Variants in BEND5 observed in about 807,000 individuals in gnomAD.
BEND5 encodes the protein BEN domain-containing protein 5.
BEND5 carries 22 observed loss-of-function variants against 43.9 expected under a neutral mutation model. The ratio of observed to expected loss-of-function variants is 0.50; its 90% CI spans 0.36 to 0.72. BEND5 has a LOEUF of 0.72. BEND5 is among the 30% of genes least tolerant of loss of function. The probability of loss-of-function intolerance (pLI) is 0.00; values close to 1 mark genes in which losing one functional copy is unlikely to be tolerated. For synonymous variants in BEND5, 228 were observed against 225.9 expected, an observed-to-expected ratio of 1.01 and a Z score of -0.08; for missense variants, 428 against 550.6, an observed-to-expected ratio of 0.78 and a Z score of 2.23.
At chr1:48,737,296 GA>G (rs948833737) in intron 4 of BEND5, among the ~76,000 whole-genome samples, 6 of 151,576 alleles carry the variant, frequency 4.0e-5, no homozygotes, top group Middle Eastern at 3.4e-3. Context: ...AAAGAAAAAA[GA>G]AAAAAAGAAA....
At chr1:48,762,286 A>G (rs1644301294) in intron 1 of BEND5, among the ~76,000 whole-genome samples, 3 of 152,198 alleles carry the variant, frequency 2.0e-5, no homozygotes, top group Non-Finnish European at 2.9e-5. Context: ...TCATTTTCTC[A>G]TTCTTTAAGC....
intron 3 of BEND5, 141 bp downstream of exon 3, chr1:48,758,759 G>A: frequency 1.5e-6 from 1 of 685,556 alleles, no homozygotes; most frequent in Non-Finnish European, 2.3e-6. Context: ...ACTCTTCCTT[G>A]AGGTAACTGG....
At chr1:48,774,053 G>A (rs146978517) in intron 1 of BEND5, among the ~76,000 whole-genome samples, 150 of 152,336 alleles carry the variant, frequency 9.8e-4, no homozygotes, top group Middle Eastern at 3.4e-3. Context: ...GCTCTGGGCT[G>A]GCTTGGGCCA....
At chr1:48,748,911 A>C in intron 3 of BEND5, among the ~76,000 whole-genome samples, 1 of 152,082 alleles carries the variant, frequency 6.6e-6, no homozygotes, top group Non-Finnish European at 1.5e-5. Flanking sequence ...GGAGAAAAAA[A>C]TTCTAGCATG....
At chr1:48,767,830 C>T (rs982825009) in intron 1 of BEND5, among the ~76,000 whole-genome samples, 31 of 152,166 alleles carry the variant, frequency 2.0e-4, no homozygotes, top group Admixed American at 1.8e-3. Flanking sequence ...GGGAAACCAC[C>T]AAAGATTTGG....
rs539643383 is a variant in BEND5, at chr1:48,729,621, G to T, written c.1109-1578C>A. Among the ~76,000 whole-genome samples, 3 of 152,032 alleles carry T rather than the reference G, an allele frequency of 2.0e-5. No individual in the cohort carries two copies. The South Asian group carries it at 6.3e-4, about 32-fold the overall frequency. On this transcript the variant is annotated intron_variant, in intron 5 of 5. Coordinates refer to ENST00000371833, the MANE Select transcript of BEND5 (RefSeq NM_024603.4). Reference sequence around the variant, plus strand: ...ATGAGAAGCCCAGGCCTGGAGAAAGGGAGTAGGTATGGGGCAGAATCCACT... The same window carrying T: ...ATGAGAAGCCCAGGCCTGGAGAAAGTGAGTAGGTATGGGGCAGAATCCACT...
intron 3 of BEND5, among the ~76,000 whole-genome samples, chr1:48,748,060 G>C (rs1194299729): frequency 6.6e-6 from 1 of 152,100 alleles, no homozygotes; most frequent in East Asian, 1.9e-4. Flanking sequence ...AATGCGTACA[G>C]AACATCTGCT....
intron 1 of BEND5, among the ~76,000 whole-genome samples, chr1:48,768,809 A>C (rs1179626675): frequency 2.6e-5 from 4 of 152,206 alleles, no homozygotes; most frequent in African/African-American, 9.6e-5. Context: ...TCATCTATAC[A>C]AAAATCCTGT....
In BEND5 at chr1:48,742,699, C is replaced by T. The variant is rs1650106134; in HGVS notation, c.818G>A (p.Ser273Asn). 1 of 1,611,410 alleles carries T rather than the reference C, an allele frequency of 6.2e-7. No individual in the cohort carries two copies. Among genetic ancestry groups the T allele is most frequent in the Non-Finnish European group, 8.5e-7 (1 of 1,178,744 alleles). Residue 273 changes from serine to asparagine, a missense_variant, in exon 4 of 6, where the codon AGT (serine) becomes AAT (asparagine). By Grantham distance (46) the Ser-to-Asn change is conservative. Around this residue, in one of 4 missense-constraint regions of BEND5, gnomAD observed 243 missense variants for 286.4 expected, o/e 0.85. Transcript: ENST00000371833. ...EPEPELRSTF[S>N]EEANTSSYYP... The stretch of plus-strand genomic sequence containing the variant: ...ATAGGACGACGTATTTGCTTCCTCA[C>T]TGAAAGTGCTCCGTAACTCCGGCTC...
At chr1:48,732,736 A>G (rs1411292563) in intron 5 of BEND5, among the ~76,000 whole-genome samples, 1 of 152,198 alleles carries the variant, frequency 6.6e-6, no homozygotes, top group Non-Finnish European at 1.5e-5. Flanking sequence ...CATCTGTAAC[A>G]GGTGAGGAGT....
chr1:48,770,014 C>A (rs544695428), intron 1 of BEND5, among the ~76,000 whole-genome samples: 1 of 152,082 alleles, frequency 6.6e-6, no homozygotes, highest in Non-Finnish European at 1.5e-5. Flanking sequence ...CCTAAAATAC[C>A]CCTGACCTGC....
chr1:48,748,487 A>G (rs1651121891), intron 3 of BEND5, among the ~76,000 whole-genome samples: 1 of 152,168 alleles, frequency 6.6e-6, no homozygotes, highest in South Asian at 2.1e-4. Flanking sequence ...GCATTAGGAG[A>G]AAAACTGGGG....
intron 1 of BEND5, 107 bp downstream of exon 1, chr1:48,776,498 AG>A: frequency 1.2e-6 from 1 of 806,612 alleles, no homozygotes; most frequent in South Asian, 2.3e-5. Context: ...GGAGGCAGGA[AG>A]GAGCAAGCAG....
intron 5 of BEND5, among the ~76,000 whole-genome samples, chr1:48,731,586 G>A (rs1648137462): frequency 6.6e-6 from 1 of 152,224 alleles, no homozygotes; most frequent in African/African-American, 2.4e-5. Context: ...AAGCAGATCT[G>A]GGTGGTAAGC....
At chr1:48,776,527 CTCCG>C in intron 1 of BEND5, 75 bp downstream of exon 1, 9 of 1,108,522 alleles carry the variant, frequency 8.1e-6, no homozygotes, top group African/African-American at 1.7e-5. Flanking sequence ...CCCCGGTCCC[CTCCG>C]CCCGGGCCCC....
chr1:48,748,240 T>TTCTCAGACCC (rs1443799536), intron 3 of BEND5, among the ~76,000 whole-genome samples: 1 of 152,194 alleles, frequency 6.6e-6, no homozygotes, highest in Non-Finnish European at 1.5e-5. Context: ...TCTGTGGACC[T>TTCTCAGACCC]TCTCAGACCC....
At chr1:48,742,153 T>C (rs184078867) in intron 4 of BEND5, among the ~76,000 whole-genome samples, 17 of 152,324 alleles carry the variant, frequency 1.1e-4, no homozygotes, top group Middle Eastern at 3.4e-3. Flanking sequence ...CTTCCCTGTA[T>C]TCCTGTTATC....
intron 3 of BEND5, among the ~76,000 whole-genome samples, chr1:48,753,926 C>T (rs919226184): frequency 6.6e-6 from 1 of 152,180 alleles, no homozygotes; most frequent in Non-Finnish European, 1.5e-5. Flanking sequence ...ATCTGCCTCC[C>T]TCCTGCAATT....
chr1:48,751,270 A>C (rs1186747425), intron 3 of BEND5, among the ~76,000 whole-genome samples: 1 of 152,194 alleles, frequency 6.6e-6, no homozygotes, highest in Non-Finnish European at 1.5e-5. Flanking sequence ...GGAAATATTC[A>C]TCTAAAAGCT....
Sources: allele counts gnomAD v4.1 joint callset (sites outside exome capture counted in the v4.1 genomes callset), GRCh38; gene constraint gnomAD v4.1.1; regional missense constraint gnomAD v4.1.1; transcripts MANE v1.5; gene names NCBI Gene and HGNC (gene_info 2026-07-23, HGNC 2026-07-21).